The following KIF13A variants were observed in gnomAD, a reference collection of about 807,000 sequenced individuals.
The protein encoded by KIF13A is kinesin family member 13A.
A neutral mutation model predicts 212.2 loss-of-function variants in KIF13A; 79 were observed. The observed-to-expected ratio is 0.37, with a 90% CI of 0.31 to 0.45. KIF13A has a LOEUF of 0.45. Ranked by LOEUF, KIF13A falls within the 20% of genes least tolerant of loss-of-function variation. The pLI, the probability that KIF13A is intolerant of heterozygous loss-of-function variation, is 1.00. For synonymous variants in KIF13A, 789 were observed against 808.6 expected, an observed-to-expected ratio of 0.98 and a Z score of 0.41; for missense variants, 1,901 against 2,209.0, an observed-to-expected ratio of 0.86 and a Z score of 2.79.
At chr6:17,941,873 T>C (rs1304293599) in intron 2 of KIF13A, among the ~76,000 whole-genome samples, 1 of 151,884 alleles carries the variant, frequency 6.6e-6, no homozygotes, top group Non-Finnish European at 1.5e-5. Context: ...GGGTTGTATA[T>C]ACTATTAATT....
chr6:17,768,170 A>G lies in KIF13A; in HGVS notation c.4581+2944T>C, dbSNP rs1383719831. ...AGGGAGTTTGGTTTAGATTTTTTAT[A>G]CCAGAAATCTCATTTCTCATCATAG... On this transcript the variant is annotated intron_variant, in intron 38 of 38. Transcript: ENST00000259711. The surrounding 1 kb of genome is among the most constrained non-coding windows in gnomAD (Gnocchi z 5.4). Among the ~76,000 whole-genome samples, 2 of 152,212 alleles carry G rather than the reference A, an allele frequency of 1.3e-5. No homozygotes were observed. The highest frequency in any genetic ancestry group is 2.9e-5 in the Non-Finnish European group (2 of 68,038).
At chr6:17,827,932 A>G (rs910879552) in intron 14 of KIF13A, among the ~76,000 whole-genome samples, 2 of 152,238 alleles carry the variant, frequency 1.3e-5, no homozygotes, top group Non-Finnish European at 2.9e-5. Flanking sequence ...TTGAAGAAAG[A>G]AAAGAAATGT....
In KIF13A at chr6:17,789,889, C is replaced by A. The variant is rs1233716913; in HGVS notation, c.3244G>T (p.Asp1082Tyr). Residue 1082 changes from aspartate to tyrosine, a missense_variant, in exon 26 of 39, where the codon GAT becomes TAT. By Grantham distance (160) the Asp-to-Tyr change is radical. Coordinates refer to ENST00000259711, the MANE Select transcript of KIF13A (RefSeq NM_022113.6). This position sits in a 1 kb window ranked among gnomAD's most constrained non-coding sequence, Gnocchi z 4.8. ...SYQRDDEDGD[D>Y]MDSYQEEDLN... ...AGCAATACCTGATAACTATCCATATCATCACCATCCTCATCATCTCTCTGG... is the reference window on the plus strand; with the variant it reads ...AGCAATACCTGATAACTATCCATATAATCACCATCCTCATCATCTCTCTGG... 2 of 1,613,254 alleles carry A rather than the reference C, an allele frequency of 1.2e-6. No individual in the cohort carries two copies. The highest frequency in any genetic ancestry group is 2.2e-5 in the South Asian group (2 of 90,966).
At position 17,898,177 on chromosome 6, in the gene KIF13A, T is replaced by C. The variant is rs772026544; in HGVS notation, c.150A>G (p.Lys50=). The C allele has an allele frequency of 3.1e-6, 5 of 1,611,276 alleles. No individual in the cohort carries two copies. The South Asian group carries it at 4.4e-5, about 14-fold the overall frequency. Residue 50 remains lysine, a synonymous_variant, in exon 3 of 39, where the codon AAA becomes AAG. Transcript: ENST00000259711. The surrounding 1 kb of genome is among the most constrained non-coding windows in gnomAD (Gnocchi z 5.2). ...TCATATTAGTGCTTACCTTGGGAGG[T>C]TTCCTTAATGATGGGAAAAAAAAAA... is the stretch of plus-strand genomic sequence containing the variant. ...PPSNTKQGER[K]PPKVFAFDYC...
chr6:17,795,588 C>A (rs983104258), intron 23 of KIF13A, among the ~76,000 whole-genome samples: 2 of 130,924 alleles, frequency 1.5e-5, no homozygotes, highest in South Asian at 2.6e-4. Context: ...CAGAGCAAGA[C>A]TCCATCTCAA....
At chr6:17,964,486 A>T (rs1253587367) in intron 2 of KIF13A, among the ~76,000 whole-genome samples, 1 of 152,166 alleles carries the variant, frequency 6.6e-6, no homozygotes. Flanking sequence ...ATAAGTACTA[A>T]ACCCAATCAT....
At position 17,915,418 on chromosome 6, in the gene KIF13A, C is replaced by CTA. The variant is rs1220254625; in HGVS notation, c.147-17239_147-17238insTA. 1.3e-5 allele frequency among the ~76,000 whole-genome samples: 2 copies of CTA among 152,186 alleles called. No individual in the cohort carries two copies. Among genetic ancestry groups the CTA allele is most frequent in the Non-Finnish European group, 2.9e-5 (2 of 68,032 alleles). On this transcript the variant is annotated intron_variant, in intron 2 of 38. Coordinates refer to ENST00000259711, the MANE Select transcript of KIF13A (RefSeq NM_022113.6). This position sits in a 1 kb window ranked among gnomAD's most constrained non-coding sequence, Gnocchi z 4.4. ...AAAGCTTTTAAAAGCAGCAGAGTAA[C>CTA]ACACGCGATGCAAGGCCCCTCATTT...
chr6:17,800,539 C>T (rs773876559), intron 20 of KIF13A, among the ~76,000 whole-genome samples: 5 of 151,482 alleles, frequency 3.3e-5, no homozygotes, highest in East Asian at 1.9e-4. Flanking sequence ...TGAGTTCAAG[C>T]GATTCTCCTG....
chr6:17,770,275 ACTTTTT>A (rs1759370326), intron 38 of KIF13A: 1 of 151,448 alleles, frequency 6.6e-6, no homozygotes, highest in Non-Finnish European at 1.5e-5. Context: ...AGCTGGTTTT[ACTTTTT>A]CAAAGCCTAG....
rs1028063534 is a variant in KIF13A at position 17,932,921 on chromosome 6, A to G, written c.147-34741T>C. Reference sequence around the variant, plus strand: ...CCTTTCCAAATCTCTGCCAACCCCAAGGAAATCACAATACGGTAAAGCAGA... The same window carrying G: ...CCTTTCCAAATCTCTGCCAACCCCAGGGAAATCACAATACGGTAAAGCAGA... On this transcript the variant is annotated intron_variant, in intron 2 of 38. Coordinates refer to ENST00000259711, the MANE Select transcript of KIF13A (RefSeq NM_022113.6). Among the ~76,000 whole-genome samples the G allele has an allele frequency of 2.0e-4, 30 of 152,366 alleles. 1 individual carries two copies. The highest frequency in any genetic ancestry group is 1.5e-3 in the Admixed American group (23 of 15,312).
Position 17,837,458 on chromosome 6 carries a change from G to C in KIF13A, c.942+14C>G. The stretch of plus-strand genomic sequence containing the variant: ...AATTTTTAGTTGGAAAAGAACACTA[G>C]AGCAATGGATTACCTTAAGCAGCCA... On this transcript the variant is annotated intron_variant, in intron 10 of 38. Coordinates refer to ENST00000259711, the MANE Select transcript of KIF13A (RefSeq NM_022113.6). This position sits in a 1 kb window ranked among gnomAD's most constrained non-coding sequence, Gnocchi z 5.4. The C allele has an allele frequency of 1.3e-6, 2 of 1,562,006 alleles. No individual in the cohort carries two copies. Among genetic ancestry groups the C allele is most frequent in the Non-Finnish European group, 1.8e-6 (2 of 1,140,790 alleles).
rs749829807 is a variant in KIF13A, at chr6:17,777,244, C to T, written c.4170+33G>A. On this transcript the variant is annotated intron_variant, in intron 34 of 38. Coordinates refer to ENST00000259711, the MANE Select transcript of KIF13A (RefSeq NM_022113.6). The surrounding 1 kb of genome is among the most constrained non-coding windows in gnomAD (Gnocchi z 4.4). ...CCACCCCAGAGGCTGCGACATGTCA[C>T]ATAGGAGCAGATCCTTGGCAGGATG... 1.9e-6 allele frequency: 3 copies of T among 1,559,606 alleles called. No homozygotes were observed. The highest frequency in any genetic ancestry group is 1.1e-5 in the South Asian group (1 of 87,510).
intron 32 of KIF13A, 116 bp from the exon 33 acceptor site, chr6:17,779,215 T>C: frequency 1.6e-6 from 1 of 615,452 alleles, no homozygotes; most frequent in Non-Finnish European, 2.8e-6. Context: ...ATTATTTAGA[T>C]ACTGATATTT....
chr6:17,903,667 G>C (rs767960571), intron 2 of KIF13A, among the ~76,000 whole-genome samples: 3 of 152,196 alleles, frequency 2.0e-5, no homozygotes, highest in Non-Finnish European at 4.4e-5. Context: ...GTCAAGAAGA[G>C]AGAGGATCTG....
intron 2 of KIF13A, among the ~76,000 whole-genome samples, chr6:17,923,419 G>A (rs1775247718): frequency 6.6e-6 from 1 of 152,018 alleles, no homozygotes; most frequent in Non-Finnish European, 1.5e-5. Context: ...TCAACTACGG[G>A]AAGGTCAAGA....
chr6:17,954,494 A>G (rs1410679211), intron 2 of KIF13A, among the ~76,000 whole-genome samples: 1 of 152,194 alleles, frequency 6.6e-6, no homozygotes, highest in Non-Finnish European at 1.5e-5. Context: ...CATTTTAAGT[A>G]TAATACACAG....
At chr6:17,943,219 T>A (rs1172025301) in intron 2 of KIF13A, among the ~76,000 whole-genome samples, 1 of 152,190 alleles carries the variant, frequency 6.6e-6, no homozygotes, top group East Asian at 1.9e-4. Flanking sequence ...GAATTTTCAA[T>A]GTCTGTTTCT....
chr6:17,916,619 C>A (rs1774536723), intron 2 of KIF13A, among the ~76,000 whole-genome samples: 1 of 152,182 alleles, frequency 6.6e-6, no homozygotes, highest in Non-Finnish European at 1.5e-5. Flanking sequence ...AAACTCACAA[C>A]ATAGACCCAA....
In KIF13A at chr6:17,987,389, AAG is replaced by A; in HGVS notation, c.55+18_55+19del. ...GCCCTCAGCCCGAGCAGAAATAAAA[AAG>A]AGCGGAAAGCTCCTCACCTCGTCGG... is the stretch of plus-strand genomic sequence containing the variant. On this transcript the variant is annotated intron_variant, in intron 1 of 38. Transcript: ENST00000259711. The surrounding 1 kb of genome is among the most constrained non-coding windows in gnomAD (Gnocchi z 7.7). The A allele has an allele frequency of 7.4e-7, 1 of 1,357,196 alleles. No individual in the cohort carries two copies. Among genetic ancestry groups the A allele is most frequent in the South Asian group, 1.3e-5 (1 of 79,960 alleles). 84.1% of individuals were successfully genotyped at this position (1,357,196 alleles called of 1,614,324 possible). A position where few individuals can be genotyped will look rare whatever the true frequency, so the allele number is the denominator to read the frequency against.
Sources: gnomAD v4.1 joint callset for allele counts (sites outside exome capture counted in the v4.1 genomes callset) on GRCh38, gnomAD v4.1.1 for gene constraint, Gnocchi (gnomAD v3.1) non-coding constraint, MANE v1.5 for transcripts, NCBI Gene and HGNC (gene_info 2026-07-23, HGNC 2026-07-21) for gene names.